TRIM64B: variants seen among roughly 807,000 people sequenced by gnomAD.
The protein encoded by TRIM64B is tripartite motif-containing protein 64B.
For missense variants in TRIM64B, 57 were observed against 536.4 expected, an observed-to-expected ratio of 0.11 and a Z score of 8.83; for synonymous variants, 17 against 190.3, an observed-to-expected ratio of 0.09 and a Z score of 7.50.
At chr11:89,877,289 A>C (rs571443304), upstream of TRIM64B, among the ~76,000 whole-genome samples, 61 of 110,224 alleles carry the variant, frequency 5.5e-4, no homozygotes, top group African/African-American at 1.6e-3. Flanking sequence ...AATAATATCT[A>C]TTATTTTTAA....
chr11:89,874,299 A>G lies in TRIM64B; in HGVS notation c.505-20T>C. On this transcript the variant is annotated intron_variant, in intron 2 of 5. Coordinates refer to ENST00000329862, the Ensembl canonical transcript of TRIM64B. ...ATAGTCCTGCAGAGATGTTTGGTTA[A>G]AAGGATTACATGTTCTCACTCTCAA... The G allele has an allele frequency of 9.1e-6, 12 of 1,319,978 alleles. No homozygotes were observed. The highest frequency in any genetic ancestry group is 1.2e-5 in the Non-Finnish European group (12 of 966,436). 81.8% of individuals were successfully genotyped at this position (1,319,978 alleles called of 1,614,324 possible). A position where few individuals can be genotyped will look rare whatever the true frequency, so the allele number is the denominator to read the frequency against.
At chr11:89,877,654 C>T (rs187490291), upstream of TRIM64B, among the ~76,000 whole-genome samples, 9 of 146,968 alleles carry the variant, frequency 6.1e-5, no homozygotes, top group East Asian at 1.8e-3. Flanking sequence ...CAGTCTCACT[C>T]TGTTACGCAG....
intron 4 of TRIM64B, among the ~76,000 whole-genome samples, chr11:89,873,031 C>T (rs1363257238): frequency 1.3e-5 from 2 of 151,312 alleles, no homozygotes; most frequent in African/African-American, 2.4e-5. Context: ...TTGGTCAGGA[C>T]GGATGGACTG....
Position 89,872,703 on chromosome 11 carries a change from A to T in TRIM64B, c.759-391T>A, listed in dbSNP as rs146191045. 4.2e-3 allele frequency among the ~76,000 whole-genome samples: 642 copies of T among 151,864 alleles called. 15 individuals carry two copies. Among genetic ancestry groups the T allele is most frequent in the East Asian group, 0.033 (172 of 5,148 alleles). ...AATGCTAGTCAGTGTCTAACAGAGA[A>T]TGTTCACTGAGGCAAAAGGCTTTAA... On this transcript the variant is annotated intron_variant, in intron 4 of 5. Transcript: ENST00000329862.
chr11:89,872,914 C>A (rs1267003576), intron 4 of TRIM64B, among the ~76,000 whole-genome samples: 5 of 149,208 alleles, frequency 3.4e-5, no homozygotes, highest in Admixed American at 3.3e-4. Context: ...TCTCTCTCCT[C>A]CCTCTGTCTT....
chr11:89,873,159 A>G (rs1386808445), intron 4 of TRIM64B, 109 bp downstream of exon 5: 1 of 1,131,664 alleles, frequency 8.8e-7, no homozygotes, highest in African/African-American at 1.6e-5. Context: ...TTTTGAAACA[A>G]AATTGGAAAT....
At chr11:89,875,231 T>G (rs1208990578) in intron 1 of TRIM64B, among the ~76,000 whole-genome samples, 158 bp from the exon 3 acceptor site, 2 of 152,256 alleles carry the variant, frequency 1.3e-5, no homozygotes, top group African/African-American at 4.8e-5. Context: ...TCTAATAATT[T>G]GGATGTGAAA....
intron 4 of TRIM64B, among the ~76,000 whole-genome samples, chr11:89,872,886 C>T (rs1339291646): frequency 1.3e-5 from 2 of 151,286 alleles, no homozygotes; most frequent in African/African-American, 4.9e-5. Flanking sequence ...CATCCCTCCT[C>T]AGCCCATCCT....
At chr11:89,876,614 C>T (rs1349044346), upstream of TRIM64B, among the ~76,000 whole-genome samples, 4 of 148,936 alleles carry the variant, frequency 2.7e-5, no homozygotes, top group African/African-American at 4.9e-5. Context: ...CCCAGCTATT[C>T]GGGAGGCTGA....
At position 89,874,035 on chromosome 11, in the gene TRIM64B, C is replaced by A. The variant is rs1950138695; in HGVS notation, c.735+14G>T. 6.5e-7 allele frequency: 1 copy of A among 1,548,982 alleles called. No individual in the cohort carries two copies. The highest frequency in any genetic ancestry group is 1.4e-5 in the African/African-American group (1 of 72,632). The stretch of plus-strand genomic sequence containing the variant: ...AAGGCTTCCTGTCTCTGAGGATGGA[C>A]CCTCCCTCCTCACCTGGAGCAGCAC... On this transcript the variant is annotated intron_variant, in intron 3 of 5. Transcript: ENST00000329862.
chr11:89,876,181 A>G (rs1950161560), upstream of TRIM64B, among the ~76,000 whole-genome samples: 1 of 130,142 alleles, frequency 7.7e-6, no homozygotes, highest in African/African-American at 2.8e-5. Context: ...GACATAGTAA[A>G]TTCATACATG....
chr11:89,876,423 T>C (rs1216939773), upstream of TRIM64B, among the ~76,000 whole-genome samples: 9 of 149,248 alleles, frequency 6.0e-5, no homozygotes, highest in Admixed American at 1.3e-4. Context: ...GCAAGAAGAT[T>C]AAAAATATGT....
chr11:89,878,403 C>T (rs1304776501), upstream of TRIM64B, among the ~76,000 whole-genome samples: 23 of 134,720 alleles, frequency 1.7e-4, no homozygotes, highest in African/African-American at 6.4e-4. Flanking sequence ...AGTCTAGAAA[C>T]TCTGTAGATA....
At chr11:89,876,874 T>C (rs1950168736), upstream of TRIM64B, among the ~76,000 whole-genome samples, 1 of 149,304 alleles carries the variant, frequency 6.7e-6, no homozygotes, top group Admixed American at 6.7e-5. Flanking sequence ...GAGACAACAG[T>C]CCTCATGGCA....
intron 1 of TRIM64B, 71 bp from the exon 3 acceptor site, chr11:89,875,144 A>T: frequency 6.6e-7 from 1 of 1,524,446 alleles, no homozygotes; most frequent in Non-Finnish European, 8.8e-7. Flanking sequence ...ATCTTAAAAA[A>T]AAAGGCTGTA....
At chr11:89,872,922 C>CT (rs34678191) in intron 4 of TRIM64B, among the ~76,000 whole-genome samples, 50,539 of 136,430 alleles carry the variant, frequency 0.37, 5,712 homozygotes, top group Admixed American at 0.47. Context: ...CTCCCTCTGT[C>CT]TTTTTTTTTT....
chr11:89,874,413 C>A, intron 2 of TRIM64B, 134 bp from the exon 4 acceptor site: 1 of 491,156 alleles, frequency 2.0e-6, no homozygotes, highest in African/African-American at 4.6e-5. Context: ...TGAATATTTG[C>A]TATCTTCTTC....
intron 5 of TRIM64B, among the ~76,000 whole-genome samples, chr11:89,871,718 T>TA (rs1337672925): frequency 9.7e-4 from 97 of 100,196 alleles, no homozygotes; most frequent in African/African-American, 3.6e-3. Context: ...TTTCACTTGT[T>TA]ACTAGATGTA....
upstream of TRIM64B, among the ~76,000 whole-genome samples, chr11:89,878,060 A>T (rs1444843939): frequency 4.1e-5 from 6 of 146,904 alleles, no homozygotes; most frequent in Non-Finnish European, 4.6e-5. Flanking sequence ...CGTTATAACC[A>T]CTACTACATG....
Sources: gnomAD v4.1 joint callset for allele counts (sites outside exome capture counted in the v4.1 genomes callset) on GRCh38, gnomAD v4.1.1 for gene constraint, MANE v1.5 for transcripts, NCBI Gene and HGNC (gene_info 2026-07-23, HGNC 2026-07-21) for gene names.